The following AMOTL1 variants were observed in gnomAD, a reference collection of about 807,000 sequenced individuals.
AMOTL1 encodes angiomotin like 1, also known as angiomotin-like protein 1.
AMOTL1 carries 45 observed loss-of-function variants against 102.9 expected under a neutral mutation model. That is an observed-to-expected ratio of 0.44 (90% confidence interval 0.34 to 0.56). The LOEUF (loss-of-function observed/expected upper bound fraction) is 0.56. Among genes scored for constraint, AMOTL1 ranks in the 20% least tolerant of loss-of-function variants. The pLI, the probability that AMOTL1 is intolerant of heterozygous loss-of-function variation, is 0.01. For synonymous variants in AMOTL1, 481 were observed against 484.7 expected (o/e 0.99, Z 0.10); for missense variants, 1,114 against 1,225.6 (o/e 0.91, Z 1.36).
intron 3 of AMOTL1, among the ~76,000 whole-genome samples, chr11:94,810,455 A>C (rs1591989672): frequency 6.6e-6 from 1 of 151,000 alleles, no homozygotes; most frequent in South Asian, 2.1e-4. Flanking sequence ...TCTTACTTTA[A>C]ACACCCCAGA....
chr11:94,855,973 G>A (rs565596119), intron 8 of AMOTL1, among the ~76,000 whole-genome samples: 12 of 152,208 alleles, frequency 7.9e-5, no homozygotes, highest in Non-Finnish European at 1.6e-4. Flanking sequence ...CCCCAGCTGT[G>A]TATGGCTGAC....
chr11:94,771,259 T>TGGGGGG (rs10692853), intron 1 of AMOTL1, among the ~76,000 whole-genome samples: 1 of 96,872 alleles, frequency 1.0e-5, no homozygotes, highest in Non-Finnish European at 2.1e-5. Context: ...TTGGCGGGGT[T>TGGGGGG]GGGGGGGGGG....
Position 94,807,036 on chromosome 11 carries a change from T to C in AMOTL1, c.1121+6725T>C, listed in dbSNP as rs552862822. 2.6e-5 allele frequency among the ~76,000 whole-genome samples: 4 copies of C among 152,300 alleles called. No individual in the cohort carries two copies. In the East Asian group the frequency reaches 7.7e-4, roughly 29 times the overall value. On this transcript the variant is annotated intron_variant, in intron 3 of 12. Transcript: ENST00000433060. ...AGCTGATTTTTTTTCCCTAAAACTATTAGGTTGGTGCAAAAGTAATTATGG... is the reference window on the plus strand; with the variant it reads ...AGCTGATTTTTTTTCCCTAAAACTACTAGGTTGGTGCAAAAGTAATTATGG...
intron 1 of AMOTL1, among the ~76,000 whole-genome samples, chr11:94,723,170 C>G (rs540712114): frequency 4.7e-4 from 72 of 152,072 alleles, no homozygotes; most frequent in Non-Finnish European, 9.0e-4. Flanking sequence ...GGCCATGCAC[C>G]GTGCTAACAG....
rs977908465 is a variant in AMOTL1, at chr11:94,875,181, T to C, written c.*4386T>C. Reference sequence around the variant, plus strand: ...TTCATTAGATGTGACGATTGTTTAATGAGTTTGCCTCTGACGTGTGGCTCC... The same window carrying C: ...TTCATTAGATGTGACGATTGTTTAACGAGTTTGCCTCTGACGTGTGGCTCC... On this transcript the variant is annotated 3_prime_UTR_variant, in exon 13 of 13. Transcript: ENST00000433060. 6.6e-6 allele frequency: 1 copy of C among 152,232 alleles called. No individual in the cohort carries two copies. The highest frequency in any genetic ancestry group is 1.5e-5 in the Non-Finnish European group (1 of 68,032). The allele number at this position is 152,232 out of a possible 1,614,324, so 9.4% of individuals were successfully genotyped here.
At chr11:94,858,171 A>G (rs918704746) in intron 8 of AMOTL1, among the ~76,000 whole-genome samples, 3 of 152,290 alleles carry the variant, frequency 2.0e-5, no homozygotes, top group African/African-American at 7.2e-5. Context: ...GTTTCTAAAA[A>G]TAAGGGAGCG....
chr11:94,800,756 C>G (rs1006135004), intron 3 of AMOTL1, among the ~76,000 whole-genome samples: 1 of 152,176 alleles, frequency 6.6e-6, no homozygotes, highest in African/African-American at 2.4e-5. Flanking sequence ...ATCACATAGT[C>G]CCATCCCTCA....
At chr11:94,731,249 A>G (rs180707925) in intron 2 of AMOTL1, among the ~76,000 whole-genome samples, 3 of 152,328 alleles carry the variant, frequency 2.0e-5, no homozygotes, top group Admixed American at 2.0e-4. Flanking sequence ...TAATCAGTCT[A>G]TATCCTGCAA....
chr11:94,740,927 T>C (rs1245020891), intron 2 of AMOTL1: 1 of 1,289,138 alleles, frequency 7.8e-7, no homozygotes, highest in East Asian at 5.6e-5. Flanking sequence ...TCTGCTTTTC[T>C]TCTCCCCCAG....
At chr11:94,707,383 A>G (rs1373750263) in intron 1 of AMOTL1, among the ~76,000 whole-genome samples, 1 of 151,988 alleles carries the variant, frequency 6.6e-6, no homozygotes, top group Non-Finnish European at 1.5e-5. Flanking sequence ...TACAACTCTT[A>G]TCAGCTTTGG....
chr11:94,787,561 G>A (rs559760818), intron 1 of AMOTL1, among the ~76,000 whole-genome samples: 20 of 151,318 alleles, frequency 1.3e-4, no homozygotes, highest in Non-Finnish European at 1.9e-4. Flanking sequence ...GGTGGCGCGC[G>A]CCTGTAGTCC....
At chr11:94,789,442 A>G (rs1951246450) in intron 1 of AMOTL1, among the ~76,000 whole-genome samples, 1 of 152,178 alleles carries the variant, frequency 6.6e-6, no homozygotes, top group Non-Finnish European at 1.5e-5. Flanking sequence ...TACAGGCTTG[A>G]GCCACCGTGC....
At chr11:94,861,301 T>C (rs1050258037) in intron 9 of AMOTL1, among the ~76,000 whole-genome samples, 2 of 152,148 alleles carry the variant, frequency 1.3e-5, no homozygotes, top group African/African-American at 2.4e-5. Flanking sequence ...TTTTGAAACA[T>C]TGGTTGATTT....
At chr11:94,757,394 A>G (rs1565341139) in intron 3 of AMOTL1, among the ~76,000 whole-genome samples, 1 of 152,120 alleles carries the variant, frequency 6.6e-6, no homozygotes, top group South Asian at 2.1e-4. Context: ...CGTTCAGCCA[A>G]TATCATAGGA....
At chr11:94,839,623 T>A (rs1461160505) in intron 6 of AMOTL1, among the ~76,000 whole-genome samples, 1 of 152,218 alleles carries the variant, frequency 6.6e-6, no homozygotes, top group Non-Finnish European at 1.5e-5. Context: ...AGCTCATTAG[T>A]GTAGCGTTCA....
chr11:94,859,393 A>T, intron 8 of AMOTL1, 132 bp from the exon 9 acceptor site: 1 of 848,694 alleles, frequency 1.2e-6, no homozygotes, highest in Non-Finnish European at 1.7e-6. Flanking sequence ...ACAACAGAGG[A>T]ATTTGGAGGT....
Position 94,800,259 on chromosome 11 carries a change from A to G in AMOTL1, c.1069A>G (p.Thr357Ala), listed in dbSNP as rs1189704784. 2.5e-6 allele frequency: 4 copies of G among 1,613,828 alleles called. No individual in the cohort carries two copies. The highest frequency in any genetic ancestry group is 3.4e-6 in the Non-Finnish European group (4 of 1,179,826). ...CTACCCTGCTCCTCAGCCTGTGAGA[A>G]CAGATGTGGCCGTCCTGCGGTACCA... is the stretch of plus-strand genomic sequence containing the variant. ...KPYPAPQPVR[T>A]DVAVLRYQPP... Residue 357 changes from threonine to alanine, a missense_variant, in exon 3 of 13, where the codon ACA becomes GCA. By Grantham distance (58) the Thr-to-Ala change is moderately conservative. Transcript: ENST00000433060.
chr11:94,740,962 C>T lies in AMOTL1; in HGVS notation c.110C>T (p.Pro37Leu), dbSNP rs1470627506. Residue 37 changes from proline to leucine, a missense_variant, in exon 3 of 5, where the codon CCC becomes CTC. Transcript: ENST00000299004. ...GACAGTGAGTTTGTGGAAGCCTCGCCCGCATCCTACAGCCCAGACGAGTTA... is the reference window on the plus strand; with the variant it reads ...GACAGTGAGTTTGTGGAAGCCTCGCTCGCATCCTACAGCCCAGACGAGTTA... The T allele has an allele frequency of 3.9e-6, 5 of 1,289,040 alleles. No individual in the cohort carries two copies. In the African/African-American group the frequency reaches 7.6e-5, roughly 20 times the overall value. The allele number at this position is 1,289,040 out of a possible 1,614,324, so 79.9% of individuals were successfully genotyped here. A position where few individuals can be genotyped will look rare whatever the true frequency, so the allele number is the denominator to read the frequency against.
chr11:94,728,560 AT>A (rs999286406), intron 1 of AMOTL1, among the ~76,000 whole-genome samples: 3 of 152,162 alleles, frequency 2.0e-5, no homozygotes, highest in Non-Finnish European at 4.4e-5. Flanking sequence ...TTTTTTAGTC[AT>A]TTTTTAGGCA....
Sources: allele counts gnomAD v4.1 joint callset (sites outside exome capture counted in the v4.1 genomes callset), GRCh38; gene constraint gnomAD v4.1.1; transcripts MANE v1.5; gene names NCBI Gene and HGNC (gene_info 2026-07-23, HGNC 2026-07-21).